CRPPA: variants seen among roughly 807,000 people sequenced by gnomAD.
CRPPA encodes the protein CDP-L-ribitol pyrophosphorylase A, also known as D-ribitol-5-phosphate cytidylyltransferase.
Under a neutral mutation model 52.0 loss-of-function variants are expected in CRPPA, and 43 were observed. The observed-to-expected ratio is 0.83, with a 90% CI of 0.65 to 1.07. The LOEUF is 1.07. Among genes scored for constraint, CRPPA ranks in the 50% least tolerant of loss-of-function variants. CRPPA has a pLI of 0.00. For synonymous variants in CRPPA, 250 were observed against 203.5 expected, an observed-to-expected ratio of 1.23 and a Z score of -1.94; for missense variants, 629 against 551.7, an observed-to-expected ratio of 1.14 and a Z score of -1.40.
chr7:16,248,076 C>T (rs994889837), intron 8 of CRPPA: 2 of 152,200 alleles, frequency 1.3e-5, no homozygotes, highest in Non-Finnish European at 2.9e-5. Context: ...CGCAGTGGCT[C>T]ATGACCGTAA....
At chr7:16,387,685 C>A (rs1329305582) in intron 2 of CRPPA, among the ~76,000 whole-genome samples, 1 of 152,026 alleles carries the variant, frequency 6.6e-6, no homozygotes, top group East Asian at 1.9e-4. Context: ...AAGAAATAAA[C>A]AATCCAACAA....
chr7:16,334,210 C>T (rs564674222), intron 3 of CRPPA, among the ~76,000 whole-genome samples: 33 of 152,248 alleles, frequency 2.2e-4, no homozygotes, highest in Non-Finnish European at 3.7e-4. Flanking sequence ...GGCAGCTTCC[C>T]GCATAGCCCA....
intron 2 of CRPPA, among the ~76,000 whole-genome samples, chr7:16,388,301 C>CT (rs955788933): frequency 1.3e-5 from 2 of 150,368 alleles, no homozygotes; most frequent in Non-Finnish European, 3.0e-5. Flanking sequence ...AAAATTAATA[C>CT]TAAAAAAAAA....
chr7:16,185,068 A>G (rs184469128), intron 9 of CRPPA, among the ~76,000 whole-genome samples: 1 of 152,214 alleles, frequency 6.6e-6, no homozygotes, highest in South Asian at 2.1e-4. Flanking sequence ...CTCCATGTGT[A>G]TTAGTCCATT....
chr7:16,091,447 T>A lies in CRPPA; in HGVS notation c.*248A>T. ...TCTGTGGAAAGATTCATTTGAAGGCTATTATTTTCCACTTATCTACTATTT... is the reference window on the plus strand; with the variant it reads ...TCTGTGGAAAGATTCATTTGAAGGCAATTATTTTCCACTTATCTACTATTT... On this transcript the variant is annotated 3_prime_UTR_variant, in exon 10 of 10. Transcript: ENST00000407010. 1 of 348,012 alleles carries A rather than the reference T, an allele frequency of 2.9e-6. No homozygotes were observed. The allele number at this position is 348,012 out of a possible 1,614,324, so 21.6% of individuals were successfully genotyped here. A position where few individuals can be genotyped will look rare whatever the true frequency, so the allele number is the denominator to read the frequency against.
chr7:16,193,255 C>G (rs867959347), intron 9 of CRPPA, among the ~76,000 whole-genome samples: 9 of 152,064 alleles, frequency 5.9e-5, no homozygotes, highest in Admixed American at 1.3e-4. Context: ...GAACATTTCT[C>G]TACACTTATA....
intron 9 of CRPPA, among the ~76,000 whole-genome samples, chr7:16,199,287 C>G (rs991473088): frequency 1.3e-5 from 2 of 152,160 alleles, no homozygotes; most frequent in African/African-American, 4.8e-5. Flanking sequence ...GGAAGCTCCA[C>G]TCTTTACCCT....
intron 6 of CRPPA, 46 bp downstream of exon 6, chr7:16,278,083 G>C: frequency 1.0e-6 from 1 of 957,754 alleles, no homozygotes; most frequent in Non-Finnish European, 1.6e-6. Flanking sequence ...TACTATAAAA[G>C]TTTTTGGCAA....
chr7:16,343,768 G>A (rs549949262), intron 3 of CRPPA, among the ~76,000 whole-genome samples: 111 of 152,270 alleles, frequency 7.3e-4, no homozygotes, highest in African/African-American at 1.4e-3. Context: ...ATTGGGCTGC[G>A]CACATGCCCA....
chr7:16,338,241 G>C (rs889198073), intron 3 of CRPPA, among the ~76,000 whole-genome samples: 1 of 152,108 alleles, frequency 6.6e-6, no homozygotes, highest in Non-Finnish European at 1.5e-5. Flanking sequence ...GTTCAACATA[G>C]GCAAAACAAT....
intron 2 of CRPPA, among the ~76,000 whole-genome samples, chr7:16,377,891 T>G (rs896518006): frequency 6.6e-6 from 1 of 152,100 alleles, no homozygotes; most frequent in Non-Finnish European, 1.5e-5. Context: ...TTTCACATAG[T>G]TCCCACCCAT....
chr7:16,385,778 A>AC lies in CRPPA; in HGVS notation c.535-9538dup, dbSNP rs140981203. 9.8e-3 allele frequency among the ~76,000 whole-genome samples: 1,484 copies of AC among 152,176 alleles called. 29 individuals are homozygous for AC. Among genetic ancestry groups the AC allele is most frequent in the African/African-American group, 0.034 (1,403 of 41,508 alleles). ...AATTATGGAACCTGAGAGTTCCCTG[A>AC]CCCCCCCTCACAGGACCTGCAACAG... On this transcript the variant is annotated intron_variant, in intron 2 of 9. Coordinates refer to ENST00000407010, the MANE Select transcript of CRPPA (RefSeq NM_001101426.4).
intron 8 of CRPPA, among the ~76,000 whole-genome samples, chr7:16,253,224 T>C (rs1328267542): frequency 1.3e-5 from 2 of 152,222 alleles, no homozygotes; most frequent in Non-Finnish European, 2.9e-5. Flanking sequence ...TCTTTCCTGC[T>C]TTCTCTTGTG....
chr7:16,421,298 C>CGCTGCCCG lies in CRPPA; in HGVS notation c.17_24dup (p.Ala9ArgfsTer13). On this transcript the variant is annotated frameshift_variant, in exon 1 of 10. Coordinates refer to ENST00000407010, the MANE Select transcript of CRPPA (RefSeq NM_001101426.4). LOFTEE classifies it high-confidence loss of function. ...CAAGGACCCGGCTCCGCCGGCCTGG[C>CGCTGCCCG]GCTGCCCGGCGGCCCGGCCTCCATG... 7.9e-7 allele frequency: 1 copy of CGCTGCCCG among 1,264,756 alleles called. No individual in the cohort carries two copies. The highest frequency in any genetic ancestry group is 1.0e-6 in the Non-Finnish European group (1 of 1,000,514). 78.3% of individuals were successfully genotyped at this position (1,264,756 alleles called of 1,614,324 possible).
At chr7:16,298,836 GC>G (rs1452980038) in intron 5 of CRPPA, among the ~76,000 whole-genome samples, 1 of 152,152 alleles carries the variant, frequency 6.6e-6, no homozygotes, top group Non-Finnish European at 1.5e-5. Flanking sequence ...GAACAAAAAG[GC>G]AAAGGAAAGG....
chr7:16,128,478 T>G lies in CRPPA; in HGVS notation c.1252-36679A>C, dbSNP rs142521303. Among the ~76,000 whole-genome samples, 451 of 152,244 alleles carry G rather than the reference T, an allele frequency of 3.0e-3. 3 individuals are homozygous for G. The highest frequency in any genetic ancestry group is 0.01 in the African/African-American group (433 of 41,564). ...AAAACCTGCTAATCTGGGTTAGAGA[T>G]AATCTGTGACTTTCAGGTAAGAAGA... is the stretch of plus-strand genomic sequence containing the variant. On this transcript the variant is annotated intron_variant, in intron 9 of 9. Transcript: ENST00000407010.
At chr7:16,327,599 C>A (rs1583522518) in intron 3 of CRPPA, among the ~76,000 whole-genome samples, 7 of 70,088 alleles carry the variant, frequency 1.0e-4, no homozygotes, top group East Asian at 4.9e-4. Flanking sequence ...GACTCCGTCT[C>A]AAAAAAAAAA....
At chr7:16,419,789 C>T (rs1788283298) in intron 1 of CRPPA, among the ~76,000 whole-genome samples, 1 of 151,998 alleles carries the variant, frequency 6.6e-6, no homozygotes, top group Admixed American at 6.6e-5. Flanking sequence ...CCCCACTTCC[C>T]GAGCCTCTAC....
chr7:16,286,040 T>A (rs28537237), intron 5 of CRPPA, among the ~76,000 whole-genome samples: 1,013 of 5,776 alleles, frequency 0.18, 139 homozygotes, highest in African/African-American at 0.42. Context: ...AAAAAAAAAA[T>A]ATAAATATAT....
Sources: allele counts gnomAD v4.1 joint callset (sites outside exome capture counted in the v4.1 genomes callset), GRCh38; gene constraint gnomAD v4.1.1; transcripts MANE v1.5; gene names NCBI Gene and HGNC (gene_info 2026-07-23, HGNC 2026-07-21).